The following CHID1 variants were observed in gnomAD, a reference collection of about 807,000 sequenced individuals.
The protein encoded by CHID1 is chitinase domain-containing protein 1.
In CHID1, 44 loss-of-function variants were observed where a neutral mutation model predicts 55.4. That is an observed-to-expected ratio of 0.79 (90% CI 0.62 to 1.02). The LOEUF is 1.02. Among genes scored for constraint, CHID1 ranks in the 50% least tolerant of loss-of-function variants. The pLI is 0.00. For missense variants in CHID1, 491 were observed against 515.3 expected (o/e 0.95, Z 0.46); for synonymous variants, 216 against 212.9 (o/e 1.01, Z -0.13).
Position 869,799 on chromosome 11 carries a change from G to A in CHID1, c.*59C>T. On this transcript the variant is annotated 3_prime_UTR_variant, in exon 13 of 13. Transcript: ENST00000323578. ...GAGTGGAGGCCTGTATTTCACACCT[G>A]CTCACTCACTCCATGGCTTAGAAAA... 1 of 1,459,952 alleles carries A rather than the reference G, an allele frequency of 6.8e-7. No homozygotes were observed. Among genetic ancestry groups the A allele is most frequent in the Non-Finnish European group, 9.6e-7 (1 of 1,041,046 alleles). 90.4% of individuals were successfully genotyped at this position (1,459,952 alleles called of 1,614,324 possible). A position where few individuals can be genotyped will look rare whatever the true frequency, so the allele number is the denominator to read the frequency against.
At chr11:889,666 A>G (rs1276980772) in intron 8 of CHID1, among the ~76,000 whole-genome samples, 1 of 152,022 alleles carries the variant, frequency 6.6e-6, no homozygotes, top group African/African-American at 2.4e-5. Flanking sequence ...CTGGCCCTAT[A>G]GTTGCCACCT....
intron 8 of CHID1, among the ~76,000 whole-genome samples, chr11:884,752 G>C (rs913999598): frequency 6.6e-6 from 1 of 152,248 alleles, no homozygotes; most frequent in Non-Finnish European, 1.5e-5. Context: ...CCCAGCATGG[G>C]GGAAGGGGCG....
At chr11:913,929 G>T (rs552344890), upstream of CHID1, among the ~76,000 whole-genome samples, 27 of 151,856 alleles carry the variant, frequency 1.8e-4, no homozygotes, top group Non-Finnish European at 3.8e-4. Flanking sequence ...TTAATCGGAC[G>T]TGGTGGTGTG....
At chr11:899,256 C>T (rs899736221) in intron 7 of CHID1, 84 bp downstream of exon 7, 6 of 1,397,134 alleles carry the variant, frequency 4.3e-6, no homozygotes, top group Non-Finnish European at 5.9e-6. Context: ...GAAGGCCCTC[C>T]CCAAACCCCT....
chr11:894,371 G>A (rs897840222), intron 7 of CHID1, among the ~76,000 whole-genome samples: 2 of 152,142 alleles, frequency 1.3e-5, no homozygotes, highest in Non-Finnish European at 2.9e-5. Context: ...TGTTCCCCAA[G>A]GGATGGCACT....
chr11:885,085 C>T (rs943703484), intron 8 of CHID1, among the ~76,000 whole-genome samples: 3 of 152,214 alleles, frequency 2.0e-5, no homozygotes, highest in South Asian at 2.1e-4. Flanking sequence ...GCATGGGGGA[C>T]GCGGCCGGAG....
chr11:887,665 C>T (rs1046286686), intron 8 of CHID1, among the ~76,000 whole-genome samples: 24 of 152,240 alleles, frequency 1.6e-4, no homozygotes, highest in Non-Finnish European at 7.3e-5. Context: ...GGGCCTGTCC[C>T]ACAGTCCAAC....
At chr11:911,899 A>G (rs993909086), upstream of CHID1, among the ~76,000 whole-genome samples, 1 of 152,228 alleles carries the variant, frequency 6.6e-6, no homozygotes, top group African/African-American at 2.4e-5. Context: ...CCAGTAAGCT[A>G]TGGCAGGTGT....
Position 899,929 on chromosome 11 carries a change from C to A in CHID1, c.546+75G>T, listed in dbSNP as rs552766222. 99 of 1,076,364 alleles carry A rather than the reference C, an allele frequency of 9.2e-5. No individual in the cohort carries two copies. In the African/African-American group the frequency reaches 1.2e-3, roughly 13 times the overall value. The allele number at this position is 1,076,364 out of a possible 1,614,324, so 66.7% of individuals were successfully genotyped here. A position where few individuals can be genotyped will look rare whatever the true frequency, so the allele number is the denominator to read the frequency against. ...ACAGAAAAGCCGAGTGGAGGCCTCG[C>A]GGGAGGCCCAGCCAGACGGCCAGGT... On this transcript the variant is annotated intron_variant, in intron 6 of 12. Coordinates refer to ENST00000323578, the MANE Select transcript of CHID1 (RefSeq NM_023947.4).
intron 8 of CHID1, among the ~76,000 whole-genome samples, chr11:892,688 G>C (rs1020138297): frequency 1.3e-5 from 2 of 152,222 alleles, no homozygotes; most frequent in East Asian, 3.8e-4. Context: ...ACATGCTGCT[G>C]TGTCTGTCCC....
chr11:910,575 C>G, intron 1 of CHID1, 200 bp downstream of exon 1: 1 of 1,165,868 alleles, frequency 8.6e-7, no homozygotes, highest in Non-Finnish European at 1.1e-6. Context: ...TCATAGCAAC[C>G]CTCTCTCACC....
At chr11:912,900 G>A (rs550814447), upstream of CHID1, among the ~76,000 whole-genome samples, 2 of 151,966 alleles carry the variant, frequency 1.3e-5, no homozygotes, top group Admixed American at 1.3e-4. Context: ...CCACCTTTTA[G>A]CCTTAGGAAG....
chr11:892,271 GC>G (rs1850898969), intron 8 of CHID1, among the ~76,000 whole-genome samples: 3 of 152,208 alleles, frequency 2.0e-5, no homozygotes, highest in Admixed American at 6.5e-5. Flanking sequence ...CCAGGCCCCT[GC>G]CCACCAGCAC....
At chr11:893,813 T>G (rs1219930160) in intron 7 of CHID1, among the ~76,000 whole-genome samples, 1 of 151,696 alleles carries the variant, frequency 6.6e-6, no homozygotes, top group Non-Finnish European at 1.5e-5. Flanking sequence ...CATCACACTT[T>G]AGACACCTAA....
chr11:905,546 T>G (rs1273542630), intron 1 of CHID1, among the ~76,000 whole-genome samples: 1 of 152,072 alleles, frequency 6.6e-6, no homozygotes, highest in Non-Finnish European at 1.5e-5. Context: ...GGCGTGCACC[T>G]GCAGTCCCAG....
At chr11:901,075 C>T (rs1227048365) in intron 4 of CHID1, 95 bp from the exon 5 acceptor site, 10 of 1,199,662 alleles carry the variant, frequency 8.3e-6, no homozygotes, top group African/African-American at 1.6e-5. Flanking sequence ...CCGCACAATA[C>T]GCAATGGGAA....
At chr11:907,374 G>A (rs1031591059) in intron 1 of CHID1, among the ~76,000 whole-genome samples, 6 of 152,100 alleles carry the variant, frequency 3.9e-5, no homozygotes, top group Middle Eastern at 6.8e-3. Context: ...CCAGCTATTC[G>A]AGAGGCTGAA....
rs764621180 is a variant in CHID1, at chr11:904,551, C to A, written c.111+155G>T. On this transcript the variant is annotated intron_variant, in intron 2 of 12. Coordinates refer to ENST00000323578, the MANE Select transcript of CHID1 (RefSeq NM_023947.4). ...GACTGGCCAGAGCCCCAGAGCCACACAGGCCACCCACCGGCTGCGGGCTCA... is the reference window on the plus strand; with the variant it reads ...GACTGGCCAGAGCCCCAGAGCCACAAAGGCCACCCACCGGCTGCGGGCTCA... 8.7e-6 allele frequency: 7 copies of A among 806,348 alleles called. No individual in the cohort carries two copies. In the African/African-American group the frequency reaches 1.2e-4, roughly 14 times the overall value. The allele number at this position is 806,348 out of a possible 1,614,324, so 49.9% of individuals were successfully genotyped here. A position where few individuals can be genotyped will look rare whatever the true frequency, so the allele number is the denominator to read the frequency against.
At chr11:886,634 A>G (rs932769341) in intron 8 of CHID1, among the ~76,000 whole-genome samples, 4 of 152,224 alleles carry the variant, frequency 2.6e-5, no homozygotes, top group Non-Finnish European at 5.9e-5. Flanking sequence ...GAGACACCAC[A>G]GCTCTCTGCC....
Sources: allele counts gnomAD v4.1 joint callset (sites outside exome capture counted in the v4.1 genomes callset), GRCh38; gene constraint gnomAD v4.1.1; transcripts MANE v1.5; gene names NCBI Gene and HGNC (gene_info 2026-07-23, HGNC 2026-07-21).